The following FLACC1 variants were observed in gnomAD, a reference collection of about 807,000 sequenced individuals.
FLACC1 encodes the protein flagellum-associated coiled-coil domain-containing protein 1.
Under a neutral mutation model 62.8 loss-of-function variants are expected in FLACC1, and 66 were observed. The ratio of observed to expected loss-of-function variants is 1.05; its 90% CI spans 0.86 to 1.29. FLACC1 has a LOEUF of 1.29. Ranked by LOEUF, FLACC1 falls within the 50% of genes most tolerant of loss-of-function variation. FLACC1 has a pLI of 0.00. For synonymous variants in FLACC1, 156 were observed against 161.0 expected (o/e 0.97, Z 0.24); for missense variants, 452 against 489.1 (o/e 0.92, Z 0.71).
intron 7 of FLACC1, among the ~76,000 whole-genome samples, chr2:201,334,058 A>C (rs970712714): frequency 1.3e-5 from 2 of 152,230 alleles, no homozygotes; most frequent in African/African-American, 4.8e-5. Context: ...ATTTCTCCAC[A>C]GCCTCTCCAG....
intron 11 of FLACC1, among the ~76,000 whole-genome samples, chr2:201,306,324 C>T (rs1312985796): frequency 1.3e-5 from 2 of 152,124 alleles, no homozygotes; most frequent in East Asian, 1.9e-4. Context: ...CTGTCCCCAT[C>T]ATCCAATCAC....
intron 9 of FLACC1, among the ~76,000 whole-genome samples, chr2:201,320,843 T>C (rs956486248): frequency 2.0e-5 from 3 of 152,122 alleles, no homozygotes; most frequent in African/African-American, 4.8e-5. Context: ...CTGGACAACA[T>C]AAAGCAAGCA....
intron 9 of FLACC1, among the ~76,000 whole-genome samples, chr2:201,318,302 A>C (rs189761324): frequency 4.6e-5 from 7 of 152,362 alleles, no homozygotes; most frequent in Admixed American, 2.0e-4. Flanking sequence ...CATCAGAGCA[A>C]ACAGACAACC....
intron 7 of FLACC1, among the ~76,000 whole-genome samples, chr2:201,337,473 T>C (rs965353219): frequency 1.3e-5 from 2 of 152,240 alleles, no homozygotes; most frequent in Admixed American, 6.5e-5. Context: ...TTCTGGATTC[T>C]CTATTCTGTT....
chr2:201,348,085 G>A (rs931449005), intron 4 of FLACC1, 169 bp downstream of exon 4: 2 of 570,566 alleles, frequency 3.5e-6, no homozygotes, highest in African/African-American at 2.0e-5. Context: ...TTCAAGTCGT[G>A]GTTCTTCCAC....
intron 9 of FLACC1, among the ~76,000 whole-genome samples, chr2:201,311,336 A>G (rs1021837418): frequency 1.3e-5 from 2 of 152,264 alleles, no homozygotes; most frequent in African/African-American, 4.8e-5. Context: ...GGCAAAGACA[A>G]AAAAGAAACT....
rs1175594883 is a variant in FLACC1, at chr2:201,356,691, T to C, written c.-48+291A>G. On this transcript the variant is annotated intron_variant, in intron 1 of 14. Transcript: ENST00000392257. ...ACTTTGCACACAATGTTGCATCTTGTTCTTTTTGTGTAACAGGATATCTAG... is the reference window on the plus strand; with the variant it reads ...ACTTTGCACACAATGTTGCATCTTGCTCTTTTTGTGTAACAGGATATCTAG... 2.6e-5 allele frequency among the ~76,000 whole-genome samples: 4 copies of C among 152,264 alleles called. No individual in the cohort carries two copies. The East Asian group carries it at 7.7e-4, about 29-fold the overall frequency.
chr2:201,290,694 G>C (rs1170306247), intron 12 of FLACC1, among the ~76,000 whole-genome samples: 3 of 152,136 alleles, frequency 2.0e-5, no homozygotes, highest in African/African-American at 7.2e-5. Context: ...AGTACAGTGG[G>C]TGCAGTGCAC....
At chr2:201,344,346 A>C (rs1300613840) in intron 5 of FLACC1, 83 bp from the exon 6 acceptor site, 1 of 947,408 alleles carries the variant, frequency 1.1e-6, no homozygotes, top group East Asian at 4.7e-5. Flanking sequence ...TGACTCTGGC[A>C]TGGTGAGAGC....
intron 1 of FLACC1, among the ~76,000 whole-genome samples, chr2:201,355,435 G>A (rs1951100877): frequency 6.6e-6 from 1 of 152,274 alleles, no homozygotes; most frequent in South Asian, 2.1e-4. Flanking sequence ...AATTGTATGG[G>A]TGATACAATC....
At chr2:201,342,345 C>A (rs374858354) in intron 7 of FLACC1, 25 bp downstream of exon 7, 301 of 1,613,300 alleles carry the variant, frequency 1.9e-4, no homozygotes, top group Non-Finnish European at 2.5e-4. Context: ...TCAACACACA[C>A]AAGGGTCCAT....
chr2:201,327,696 TTA>T (rs890093487), intron 9 of FLACC1, among the ~76,000 whole-genome samples: 2 of 152,266 alleles, frequency 1.3e-5, no homozygotes, highest in African/African-American at 2.4e-5. Context: ...AAGGGAGTGC[TTA>T]TATACTGCTG....
At chr2:201,363,692 T>C in the FLACC1 span, among the ~76,000 whole-genome samples, 146,405 of 152,194 alleles carry the variant, frequency 0.96, 70,673 homozygotes, top group East Asian at 1. Context: ...AGCACTCACT[T>C]GCCTGGAACA....
At chr2:201,336,525 C>T (rs1950699321) in intron 7 of FLACC1, among the ~76,000 whole-genome samples, 1 of 152,004 alleles carries the variant, frequency 6.6e-6, no homozygotes, top group African/African-American at 2.4e-5. Context: ...TACAATACAC[C>T]CAATAATGGG....
At chr2:201,336,929 G>A (rs902436198) in intron 7 of FLACC1, among the ~76,000 whole-genome samples, 8 of 152,068 alleles carry the variant, frequency 5.3e-5, no homozygotes, top group South Asian at 2.1e-4. Context: ...TTGGCTATTC[G>A]TATGTCTTCT....
intron 7 of FLACC1, among the ~76,000 whole-genome samples, chr2:201,340,470 C>A (rs1950786136): frequency 1.3e-5 from 2 of 152,160 alleles, no homozygotes; most frequent in African/African-American, 4.8e-5. Flanking sequence ...CTATTTCAAG[C>A]TGACAACAAG....
intron 12 of FLACC1, among the ~76,000 whole-genome samples, chr2:201,292,935 A>G (rs895385021): frequency 6.6e-6 from 1 of 152,238 alleles, no homozygotes; most frequent in Non-Finnish European, 1.5e-5. Context: ...AGGCCATTAT[A>G]TAATGGTAAA....
At chr2:201,301,821 T>C (rs931464053) in intron 11 of FLACC1, among the ~76,000 whole-genome samples, 1 of 152,192 alleles carries the variant, frequency 6.6e-6, no homozygotes, top group East Asian at 1.9e-4. Flanking sequence ...CAGGATTTCA[T>C]ATCCAGCTAA....
chr2:201,291,823 G>A (rs1317418136), intron 12 of FLACC1, among the ~76,000 whole-genome samples: 4 of 152,192 alleles, frequency 2.6e-5, no homozygotes, highest in African/African-American at 4.8e-5. Flanking sequence ...ATGCAGAGAA[G>A]TCCTTAAAGG....
Sources: allele counts gnomAD v4.1 joint callset (sites outside exome capture counted in the v4.1 genomes callset), GRCh38; gene constraint gnomAD v4.1.1; transcripts MANE v1.5; gene names NCBI Gene and HGNC (gene_info 2026-07-23, HGNC 2026-07-21).